The following AMN1 variants were observed in gnomAD, a reference collection of about 807,000 sequenced individuals.
The protein encoded by AMN1 is protein AMN1 homolog.
In AMN1, 20 loss-of-function variants were observed where a neutral mutation model predicts 33.0. That is an observed-to-expected ratio of 0.61 (90% confidence interval 0.43 to 0.88). The LOEUF (loss-of-function observed/expected upper bound fraction) is 0.88, where lower values mean the gene tolerates loss of function less well. Among genes scored for constraint, AMN1 ranks in the 40% least tolerant of loss-of-function variants. The pLI, the probability that AMN1 is intolerant of heterozygous loss-of-function variation, is 0.00. For missense variants in AMN1, 246 were observed against 307.4 expected, an observed-to-expected ratio of 0.80 and a Z score of 1.49; for synonymous variants, 114 against 111.9, an observed-to-expected ratio of 1.02 and a Z score of -0.12.
chr12:31,680,288 C>G (rs1937942247), intron 6 of AMN1, among the ~76,000 whole-genome samples: 1 of 151,682 alleles, frequency 6.6e-6, no homozygotes, highest in Admixed American at 6.6e-5. Context: ...GCAACCTCCG[C>G]CTCCCGGGTT....
intron 5 of AMN1, among the ~76,000 whole-genome samples, chr12:31,690,002 G>A (rs781716468): frequency 6.6e-6 from 1 of 152,232 alleles, no homozygotes; most frequent in Non-Finnish European, 1.5e-5. Flanking sequence ...GAGTGAGAAC[G>A]TATGATGTTT....
intron 1 of AMN1, among the ~76,000 whole-genome samples, chr12:31,717,587 T>C (rs1338583705): frequency 6.6e-6 from 1 of 152,246 alleles, no homozygotes; most frequent in Non-Finnish European, 1.5e-5. Flanking sequence ...AATTCAAGAC[T>C]CTTCTGTGGT....
rs1375338921 is a variant in AMN1, at chr12:31,698,187, G to C, written c.317-230C>G. Among the ~76,000 whole-genome samples, 4 of 152,162 alleles carry C rather than the reference G, an allele frequency of 2.6e-5. No individual in the cohort carries two copies. The South Asian group carries it at 8.3e-4, about 31-fold the overall frequency. On this transcript the variant is annotated intron_variant, in intron 3 of 6. Transcript: ENST00000281471. ...CTGTAGTATCTGCAATTAATGGCAA[G>C]GCTTTATTGTCCACAGGTTGAATTC...
At chr12:31,692,476 AAC>A (rs1294853378) in intron 5 of AMN1, among the ~76,000 whole-genome samples, 7 of 151,848 alleles carry the variant, frequency 4.6e-5, no homozygotes, top group Non-Finnish European at 1.0e-4. Context: ...AACGAAAAAA[AAC>A]ATATTAAATT....
chr12:31,724,191 A>G lies in AMN1; in HGVS notation c.38+4780T>C, dbSNP rs551080863. ...TTTAATATATAAATTAGGCACAGTA[A>G]GAGATGAACAACAACAACAATAAAA... is the stretch of plus-strand genomic sequence containing the variant. On this transcript the variant is annotated intron_variant, in intron 1 of 6. Transcript: ENST00000281471. 2.4e-4 allele frequency among the ~76,000 whole-genome samples: 36 copies of G among 152,356 alleles called. 1 individual carries two copies. In the South Asian group the frequency reaches 5.4e-3, roughly 23 times the overall value.
chr12:31,727,075 C>T (rs1267221394), intron 1 of AMN1, among the ~76,000 whole-genome samples: 2 of 151,878 alleles, frequency 1.3e-5, no homozygotes, highest in African/African-American at 4.8e-5. Context: ...GACTGGTCTC[C>T]AACTCCTGGC....
intron 3 of AMN1, among the ~76,000 whole-genome samples, chr12:31,700,403 T>C (rs972632143): frequency 3.3e-5 from 5 of 151,720 alleles, no homozygotes; most frequent in Non-Finnish European, 7.4e-5. Context: ...AAACCAAATA[T>C]TGAAAAAAAG....
intron 6 of AMN1, 38 bp from the exon 7 acceptor site, chr12:31,672,415 T>G: frequency 2.8e-6 from 4 of 1,407,500 alleles, no homozygotes; most frequent in Non-Finnish European, 3.0e-6. Context: ...TAATTGACAA[T>G]AAAAAATGTT....
intron 5 of AMN1, among the ~76,000 whole-genome samples, chr12:31,693,885 G>GT (rs1386246755): frequency 6.6e-6 from 1 of 151,724 alleles, no homozygotes; most frequent in East Asian, 1.9e-4. Flanking sequence ...TGCCCAGGAT[G>GT]TTCTTGAAAT....
chr12:31,696,076 C>T (rs980895496), intron 5 of AMN1, among the ~76,000 whole-genome samples: 1 of 151,382 alleles, frequency 6.6e-6, no homozygotes, highest in Non-Finnish European at 1.5e-5. Context: ...AACCCTGTCT[C>T]TAATATAAAA....
In AMN1 at chr12:31,689,111, T is replaced by C; in HGVS notation, c.599A>G (p.His200Arg). ...GPCAKKLEEIHMGHCVNLTDG... is the reference protein window; with the variant it reads ...GPCAKKLEEIRMGHCVNLTDG... Reference sequence around the variant, plus strand: ...AGTCAGATTTACACAATGTCCCATATGAATCTCCTATGCAAAAATAAAGAA... The same window carrying C: ...AGTCAGATTTACACAATGTCCCATACGAATCTCCTATGCAAAAATAAAGAA... Residue 200 changes from histidine to arginine, a missense_variant, in exon 6 of 7, where the codon CAT becomes CGT. Transcript: ENST00000281471. 2 of 1,605,526 alleles carry C rather than the reference T, an allele frequency of 1.2e-6. No homozygotes were observed. The highest frequency in any genetic ancestry group is 2.2e-5 in the South Asian group (2 of 90,486).
At chr12:31,698,389 C>T (rs1034742191) in intron 3 of AMN1, among the ~76,000 whole-genome samples, 6 of 152,172 alleles carry the variant, frequency 3.9e-5, no homozygotes, top group Non-Finnish European at 5.9e-5. Context: ...TTCATGCTTG[C>T]GGTTAGAAAT....
chr12:31,696,893 C>A (rs574637122), intron 5 of AMN1, among the ~76,000 whole-genome samples: 14 of 151,452 alleles, frequency 9.2e-5, no homozygotes, highest in African/African-American at 2.9e-4. Context: ...TGCACTCCAG[C>A]CTGGGCAACA....
At chr12:31,677,672 A>G (rs898129390) in intron 6 of AMN1, among the ~76,000 whole-genome samples, 2 of 152,132 alleles carry the variant, frequency 1.3e-5, no homozygotes, top group African/African-American at 4.8e-5. Flanking sequence ...AGGACATTGG[A>G]AGGCCTCAGA....
intron 1 of AMN1, among the ~76,000 whole-genome samples, chr12:31,724,980 G>A (rs1940007436): frequency 6.6e-6 from 1 of 152,318 alleles, no homozygotes; most frequent in Non-Finnish European, 1.5e-5. Flanking sequence ...CAGCAAGGGA[G>A]ATCATCTTGA....
rs768991865 is a variant in AMN1, at chr12:31,701,815, A to T, written c.316+48T>A. On this transcript the variant is annotated intron_variant, in intron 3 of 6. Coordinates refer to ENST00000281471, the MANE Select transcript of AMN1 (RefSeq NM_001113402.2). ...TTCTCCCTTACTCCACAATTTTACC[A>T]GATAGTGAATAGTAATCTACCAATG... The T allele has an allele frequency of 2.7e-6, 4 of 1,488,798 alleles. No individual in the cohort carries two copies. The Admixed American group carries it at 1.0e-4, about 37-fold the overall frequency. 92.2% of individuals were successfully genotyped at this position (1,488,798 alleles called of 1,614,324 possible). A position where few individuals can be genotyped will look rare whatever the true frequency, so the allele number is the denominator to read the frequency against.
At chr12:31,712,300 T>G (rs374206853) in intron 1 of AMN1, among the ~76,000 whole-genome samples, 1 of 152,130 alleles carries the variant, frequency 6.6e-6, no homozygotes, top group Non-Finnish European at 1.5e-5. Context: ...CAGGCTAGAG[T>G]GCAGTGGTGC....
Position 31,683,370 on chromosome 12 carries a change from A to C in AMN1, c.703+5637T>G, listed in dbSNP as rs528952346. ...TAGTCTGCATATTCTGTAGTCTGAG[A>C]CCCTTTCAGGGTTGTGAACTGAACT... On this transcript the variant is annotated intron_variant, in intron 6 of 6. Coordinates refer to ENST00000281471, the MANE Select transcript of AMN1 (RefSeq NM_001113402.2). This position sits in a 1 kb window ranked among gnomAD's most constrained non-coding sequence, Gnocchi z 4.1. 2.6e-5 allele frequency among the ~76,000 whole-genome samples: 4 copies of C among 152,188 alleles called. No homozygotes were observed. In the South Asian group the frequency reaches 6.2e-4, roughly 24 times the overall value.
chr12:31,675,702 G>T (rs1313075684), intron 6 of AMN1, among the ~76,000 whole-genome samples: 2 of 151,608 alleles, frequency 1.3e-5, no homozygotes, highest in African/African-American at 4.9e-5. Context: ...AACCATGCTG[G>T]CCAGGCTGGT....
Sources: gnomAD v4.1 joint callset for allele counts (sites outside exome capture counted in the v4.1 genomes callset) on GRCh38, gnomAD v4.1.1 for gene constraint, Gnocchi (gnomAD v3.1) non-coding constraint, MANE v1.5 for transcripts, NCBI Gene and HGNC (gene_info 2026-07-23, HGNC 2026-07-21) for gene names.